Variants in SLFN12L observed in about 807,000 individuals in gnomAD.
SLFN12L encodes schlafen family member 12 like, also known as schlafen family member 12-like.
Under a neutral mutation model 34.8 loss-of-function variants are expected in SLFN12L, and 34 were observed. The observed-to-expected ratio is 0.98, with a 90% CI of 0.74 to 1.30. SLFN12L has a LOEUF of 1.30. SLFN12L is among the 50% of genes most tolerant of loss of function. The pLI is 0.00. For missense variants in SLFN12L, 703 were observed against 696.2 expected, an observed-to-expected ratio of 1.01 and a Z score of -0.11; for synonymous variants, 259 against 247.5, an observed-to-expected ratio of 1.05 and a Z score of -0.44.
chr17:35,472,584 T>G lies in SLFN12L; in HGVS notation c.*2339A>C, dbSNP rs532978465. 2.0e-5 allele frequency among the ~76,000 whole-genome samples: 3 copies of G among 152,332 alleles called. No homozygotes were observed. Among genetic ancestry groups the G allele is most frequent in the African/African-American group, 7.2e-5 (3 of 41,588 alleles). ...GGTAGCATAATGCCTCCAGCTTTGT[T>G]CTTTTTGTTTAGGATTATCTTAGCT... On this transcript the variant is annotated 3_prime_UTR_variant, in exon 5 of 5. Coordinates refer to ENST00000628453, the MANE Select transcript of SLFN12L (RefSeq NM_001363830.2).
rs1161388791 is a variant in SLFN12L, at chr17:35,502,416, G to GAAAAA, written c.86+19858_86+19862dup. Among the ~76,000 whole-genome samples the GAAAAA allele has an allele frequency of 7.0e-3, 176 of 25,248 alleles. 7 individuals are homozygous for GAAAAA. Among genetic ancestry groups the GAAAAA allele is most frequent in the African/African-American group, 0.019 (153 of 8,014 alleles). The allele number at this position is 25,248 out of a possible 152,430, so 16.6% of individuals were successfully genotyped here. On this transcript the variant is annotated intron_variant, in intron 2 of 4. Transcript: ENST00000628453. The stretch of plus-strand genomic sequence containing the variant: ...CTCACCAGTTCAGAAGTATCCTAAG[G>GAAAAA]AAAAAAAAAAAAAAAAAAAAAAAAA...
At chr17:35,505,313 ACT>A (rs1187897590) in intron 2 of SLFN12L, among the ~76,000 whole-genome samples, 1 of 152,172 alleles carries the variant, frequency 6.6e-6, no homozygotes, top group Non-Finnish European at 1.5e-5. Context: ...TTTGACCCAG[ACT>A]GTGGGGCCCT....
chr17:35,495,093 T>C (rs1286453082), intron 2 of SLFN12L, among the ~76,000 whole-genome samples: 2 of 151,742 alleles, frequency 1.3e-5, no homozygotes, highest in African/African-American at 4.8e-5. Flanking sequence ...AGAGAGGGGG[T>C]TTTGCTATGT....
intron 1 of SLFN12L, among the ~76,000 whole-genome samples, chr17:35,528,071 G>A (rs2072355556): frequency 2.0e-5 from 3 of 152,148 alleles, no homozygotes; most frequent in Non-Finnish European, 4.4e-5. Context: ...CAGACAGACA[G>A]CCAAATCATG....
At chr17:35,490,414 G>C in intron 2 of SLFN12L, 1 of 1,234,426 alleles carries the variant, frequency 8.1e-7, no homozygotes, top group Non-Finnish European at 1.2e-6. Flanking sequence ...CCAGTCACCC[G>C]ATGGGGTCTT....
chr17:35,527,749 C>T (rs1426442232), intron 1 of SLFN12L, among the ~76,000 whole-genome samples: 2 of 152,158 alleles, frequency 1.3e-5, no homozygotes, highest in Admixed American at 1.3e-4. Context: ...CAGTATCATA[C>T]TGAATGGGCA....
At position 35,510,669 on chromosome 17, in the gene SLFN12L, T is replaced by A. The variant is rs551343720; in HGVS notation, c.86+11610A>T. 9.2e-5 allele frequency among the ~76,000 whole-genome samples: 14 copies of A among 152,256 alleles called. No individual in the cohort carries two copies. In the East Asian group the frequency reaches 2.7e-3, roughly 29 times the overall value. On this transcript the variant is annotated intron_variant, in intron 2 of 4. Coordinates refer to ENST00000628453, the MANE Select transcript of SLFN12L (RefSeq NM_001363830.2). ...TGGATAGTGGTGATCATTGCACAAC[T>A]CTGTGAATGTACTAAAAATTATTGA...
At chr17:35,517,307 A>G (rs902108017) in intron 2 of SLFN12L, among the ~76,000 whole-genome samples, 2 of 152,194 alleles carry the variant, frequency 1.3e-5, no homozygotes, top group African/African-American at 4.8e-5. Context: ...CACAATTGCT[A>G]CAAAGAGAAT....
rs186867936 is a variant in SLFN12L at position 35,464,895 on chromosome 17, G to A, written c.*10028C>T. Among the ~76,000 whole-genome samples the A allele has an allele frequency of 4.6e-5, 7 of 152,250 alleles. No individual in the cohort carries two copies. The highest frequency in any genetic ancestry group is 1.7e-4 in the African/African-American group (7 of 41,544). ...TTCTGTTTTTTGCTTTTTTTAGAGA[G>A]AGATAAAGTCTTGCTCTGTCACCCA... is the stretch of plus-strand genomic sequence containing the variant. On this transcript the variant is annotated 3_prime_UTR_variant, in exon 5 of 5. Coordinates refer to ENST00000628453, the MANE Select transcript of SLFN12L (RefSeq NM_001363830.2).
At chr17:35,517,232 T>A (rs1915855744) in intron 2 of SLFN12L, among the ~76,000 whole-genome samples, 1 of 151,788 alleles carries the variant, frequency 6.6e-6, no homozygotes, top group African/African-American at 2.4e-5. Context: ...GAAAAAAAAA[T>A]CACAAGCATT....
At chr17:35,508,833 G>A (rs1395619556) in intron 2 of SLFN12L, among the ~76,000 whole-genome samples, 1 of 150,086 alleles carries the variant, frequency 6.7e-6, no homozygotes, top group African/African-American at 2.5e-5. Context: ...TATTTATACT[G>A]ACCTTATTAG....
intron 2 of SLFN12L, among the ~76,000 whole-genome samples, chr17:35,506,755 T>C (rs1205679115): frequency 1.3e-5 from 2 of 152,192 alleles, no homozygotes; most frequent in Non-Finnish European, 2.9e-5. Flanking sequence ...TCAATGGCCA[T>C]GGGAAGCCCG....
intron 2 of SLFN12L, among the ~76,000 whole-genome samples, chr17:35,486,517 A>C (rs1914587893): frequency 6.6e-6 from 1 of 152,104 alleles, no homozygotes; most frequent in African/African-American, 2.4e-5. Flanking sequence ...CGAGTCCAAC[A>C]CCTGCAGCCA....
intron 4 of SLFN12L, 23 bp downstream of exon 4, chr17:35,478,052 C>A: frequency 6.9e-7 from 1 of 1,455,512 alleles, no homozygotes; most frequent in South Asian, 1.2e-5. Context: ...CCAACAACTC[C>A]ACGGAAGCCA....
At position 35,470,842 on chromosome 17, in the gene SLFN12L, T is replaced by G; in HGVS notation, c.*4081A>C. On this transcript the variant is annotated 3_prime_UTR_variant, in exon 5 of 5. Transcript: ENST00000628453. ...CCACCCCACAACAGGCCCTGGTGTG[T>G]GTTAATCCTTTCCCTGTGTCCATGT... is the stretch of plus-strand genomic sequence containing the variant. Among the ~76,000 whole-genome samples the G allele has an allele frequency of 6.6e-6, 1 of 151,664 alleles. No individual in the cohort carries two copies.
chr17:35,509,490 G>A (rs565485686), intron 2 of SLFN12L, among the ~76,000 whole-genome samples: 4 of 152,148 alleles, frequency 2.6e-5, no homozygotes, highest in East Asian at 3.9e-4. Context: ...CTGCATGCCC[G>A]CCCATTTAGT....
intron 2 of SLFN12L, among the ~76,000 whole-genome samples, chr17:35,481,021 G>GA (rs1192740380): frequency 6.6e-6 from 1 of 152,042 alleles, no homozygotes; most frequent in Non-Finnish European, 1.5e-5. Flanking sequence ...TTATAACCTA[G>GA]AAAAAAACCA....
intron 2 of SLFN12L, among the ~76,000 whole-genome samples, chr17:35,508,516 A>T (rs1915538851): frequency 6.6e-6 from 1 of 151,966 alleles, no homozygotes; most frequent in South Asian, 2.1e-4. Flanking sequence ...TGAGCCAATT[A>T]TTTTTGTATT....
intron 1 of SLFN12L, among the ~76,000 whole-genome samples, chr17:35,526,801 A>C (rs1201105842): frequency 1.3e-5 from 2 of 152,190 alleles, no homozygotes; most frequent in Non-Finnish European, 2.9e-5. Flanking sequence ...TAAAAGAACT[A>C]GAGAAGCGAC....
Sources: allele counts gnomAD v4.1 joint callset (sites outside exome capture counted in the v4.1 genomes callset), GRCh38; gene constraint gnomAD v4.1.1; transcripts MANE v1.5; gene names NCBI Gene and HGNC (gene_info 2026-07-23, HGNC 2026-07-21).